Variants in TBC1D1 observed in about 807,000 individuals in gnomAD.
The protein encoded by TBC1D1 is TBC1 domain family member 1, also known as TBC1 (tre-2/USP6, BUB2, cdc16) domain family, member 1.
Under a neutral mutation model 125.6 loss-of-function variants are expected in TBC1D1, and 89 were observed. The ratio of observed to expected loss-of-function variants is 0.71; its 90% CI spans 0.60 to 0.85. The LOEUF (loss-of-function observed/expected upper bound fraction) is 0.85, where lower values mean the gene tolerates loss of function less well. Among genes scored for constraint, TBC1D1 ranks in the 40% least tolerant of loss-of-function variants. TBC1D1 has a pLI of 0.00. For synonymous variants in TBC1D1, 565 were observed against 564.1 expected (o/e 1.00, Z -0.02); for missense variants, 1,377 against 1,469.2 (o/e 0.94, Z 1.03).
At chr4:38,040,889 A>G (rs1748232912) in intron 8 of TBC1D1, among the ~76,000 whole-genome samples, 1 of 152,196 alleles carries the variant, frequency 6.6e-6, no homozygotes, top group Non-Finnish European at 1.5e-5. Context: ...CTGTTACCTT[A>G]GGCGTGTATT....
At chr4:37,904,128 T>C (rs1716777181) in intron 2 of TBC1D1, among the ~76,000 whole-genome samples, 1 of 152,190 alleles carries the variant, frequency 6.6e-6, no homozygotes, top group African/African-American at 2.4e-5. Context: ...ATTTATCCAA[T>C]AGAGTTGCTG....
At chr4:38,081,835 G>A (rs1578601365) in intron 12 of TBC1D1, among the ~76,000 whole-genome samples, 1 of 152,254 alleles carries the variant, frequency 6.6e-6, no homozygotes, top group East Asian at 1.9e-4. Context: ...ACCAGGGCTG[G>A]CATCATCAGT....
At chr4:37,925,203 G>A (rs148157960) in intron 2 of TBC1D1, among the ~76,000 whole-genome samples, 13 of 152,278 alleles carry the variant, frequency 8.5e-5, no homozygotes, top group Non-Finnish European at 1.9e-4. Context: ...CGAAGAAAGT[G>A]CGATCACCCT....
intron 2 of TBC1D1, among the ~76,000 whole-genome samples, chr4:37,908,854 G>T (rs892028585): frequency 2.0e-5 from 3 of 152,198 alleles, no homozygotes; most frequent in Non-Finnish European, 4.4e-5. Flanking sequence ...GTGAAACAGA[G>T]CAGCTGCGTG....
At chr4:38,097,259 T>C (rs1759509391) in intron 14 of TBC1D1, among the ~76,000 whole-genome samples, 1 of 152,100 alleles carries the variant, frequency 6.6e-6, no homozygotes, top group African/African-American at 2.4e-5. Context: ...GCCTCCCAGG[T>C]TTAAGCTATT....
chr4:38,094,892 A>AG (rs1262692471), intron 13 of TBC1D1, among the ~76,000 whole-genome samples: 1 of 152,116 alleles, frequency 6.6e-6, no homozygotes, highest in Non-Finnish European at 1.5e-5. Context: ...CCAAAAAAAA[A>AG]AAAAAAAAAA....
chr4:38,126,735 A>G (rs933554198), intron 18 of TBC1D1, among the ~76,000 whole-genome samples: 1 of 152,062 alleles, frequency 6.6e-6, no homozygotes, highest in Non-Finnish European at 1.5e-5. Flanking sequence ...GCATGATCCC[A>G]TTCAGTGCAG....
At chr4:37,909,069 AT>A (rs1462246267) in intron 2 of TBC1D1, among the ~76,000 whole-genome samples, 1 of 152,172 alleles carries the variant, frequency 6.6e-6, no homozygotes, top group Non-Finnish European at 1.5e-5. Flanking sequence ...CTCTTTGTAG[AT>A]TTGATTTTAA....
At chr4:37,891,565 A>G (rs1713281325) in intron 1 of TBC1D1, among the ~76,000 whole-genome samples, 1 of 118,498 alleles carries the variant, frequency 8.4e-6, no homozygotes. Context: ...CTTGGACGAA[A>G]GCGAAACCTT....
intron 6 of TBC1D1, among the ~76,000 whole-genome samples, chr4:38,026,530 G>GC (rs1745120357): frequency 6.6e-6 from 1 of 152,264 alleles, no homozygotes; most frequent in Admixed American, 6.5e-5. Flanking sequence ...CTGTTCTCCA[G>GC]CCCAGAGCCT....
At chr4:38,053,063 T>G in intron 11 of TBC1D1, 43 bp from the exon 13 acceptor site, 27 of 1,310,778 alleles carry the variant, frequency 2.1e-5, no homozygotes, top group Non-Finnish European at 2.4e-5. Context: ...TTTGTGTTTT[T>G]ATGTTTCTTT....
chr4:38,044,487 C>G lies in TBC1D1; in HGVS notation c.1539C>G (p.Ser513=). Residue 513 remains serine (S), a synonymous_variant, in exon 9 of 20, where the codon TCC becomes TCG. Coordinates refer to ENST00000261439, the MANE Select transcript of TBC1D1 (RefSeq NM_015173.4). ...CAGAGTCTTTAGAAAGTATTTTGTC[C>G]CGGGTAAGTAGCATAATTTCTCCTG... 2 of 1,605,630 alleles carry G rather than the reference C, an allele frequency of 1.2e-6. No homozygotes were observed. Among genetic ancestry groups the G allele is most frequent in the Non-Finnish European group, 1.7e-6 (2 of 1,177,906 alleles).
At chr4:38,019,962 G>A (rs1293652423) in intron 4 of TBC1D1, among the ~76,000 whole-genome samples, 1 of 152,090 alleles carries the variant, frequency 6.6e-6, no homozygotes, top group Non-Finnish European at 1.5e-5. Flanking sequence ...TCTCTGGTCT[G>A]CCTTTGATTT....
At chr4:37,899,288 G>C (rs1715322795) in intron 1 of TBC1D1, among the ~76,000 whole-genome samples, 1 of 152,112 alleles carries the variant, frequency 6.6e-6, no homozygotes, top group African/African-American at 2.4e-5. Flanking sequence ...TTCTGGGAAG[G>C]AGGGAGATGA....
intron 12 of TBC1D1, among the ~76,000 whole-genome samples, chr4:38,068,428 G>A (rs886222399): frequency 3.3e-5 from 5 of 152,128 alleles, no homozygotes; most frequent in African/African-American, 4.8e-5. Context: ...AACCCACAGT[G>A]CATTAACAGC....
In TBC1D1 at chr4:37,919,965, G is replaced by T. The variant is rs527431486; in HGVS notation, c.417+17453G>T. On this transcript the variant is annotated intron_variant, in intron 2 of 19. Transcript: ENST00000261439. ...GTCTCTACTGAAAATACAAAAAAAT[G>T]AGCCGGGCGTGGTGGCGGGAGCCTG... is the stretch of plus-strand genomic sequence containing the variant. 1.8e-3 allele frequency among the ~76,000 whole-genome samples: 267 copies of T among 152,162 alleles called. 2 individuals are homozygous for T. Among genetic ancestry groups the T allele is most frequent in the African/African-American group, 5.8e-3 (242 of 41,544 alleles).
At chr4:37,975,991 A>G (rs1357608086) in intron 2 of TBC1D1, among the ~76,000 whole-genome samples, 3 of 152,024 alleles carry the variant, frequency 2.0e-5, no homozygotes, top group Non-Finnish European at 2.9e-5. Context: ...ATGTCCTTAT[A>G]TTATCTCCTC....
At chr4:37,903,110 G>T (rs1007064291) in intron 2 of TBC1D1, among the ~76,000 whole-genome samples, 1 of 152,214 alleles carries the variant, frequency 6.6e-6, no homozygotes, top group Non-Finnish European at 1.5e-5. Context: ...CGCTGGATAT[G>T]CATCTAAGTT....
chr4:37,925,878 G>A (rs954710891), intron 2 of TBC1D1, among the ~76,000 whole-genome samples: 2 of 151,946 alleles, frequency 1.3e-5, no homozygotes, highest in South Asian at 2.1e-4. Flanking sequence ...AAGTAGTTTG[G>A]TATCAATTTA....
Sources: allele counts gnomAD v4.1 joint callset (sites outside exome capture counted in the v4.1 genomes callset), GRCh38; gene constraint gnomAD v4.1.1; transcripts MANE v1.5; gene names NCBI Gene and HGNC (gene_info 2026-07-23, HGNC 2026-07-21).